VWF: variants seen among roughly 807,000 people sequenced by gnomAD.
VWF encodes Factor VIII related antigen.
VWF carries 176 observed loss-of-function variants against 308.6 expected under a neutral mutation model. The ratio of observed to expected loss-of-function variants is 0.57; its 90% CI spans 0.50 to 0.65. The LOEUF is 0.65. Among genes scored for constraint, VWF ranks in the 30% least tolerant of loss-of-function variants. VWF has a pLI of 0.00. For missense variants in VWF, 3,146 were observed against 3,648.2 expected (o/e 0.86, Z 3.55); for synonymous variants, 1,385 against 1,443.4 (o/e 0.96, Z 0.92).
At chr12:6,047,417 C>T (rs1440400630) in intron 16 of VWF, among the ~76,000 whole-genome samples, 6 of 152,218 alleles carry the variant, frequency 3.9e-5, no homozygotes, top group African/African-American at 1.4e-4. Context: ...TCCTCCAGGG[C>T]TGATTCACTG....
chr12:5,990,984 A>G (rs546768847), intron 38 of VWF, among the ~76,000 whole-genome samples: 1 of 151,842 alleles, frequency 6.6e-6, no homozygotes, highest in Non-Finnish European at 1.5e-5. Context: ...TATAGTGGAA[A>G]GAGCCAGATC....
At chr12:6,091,277 C>T (rs2239140) in intron 6 of VWF, among the ~76,000 whole-genome samples, 51,721 of 125,068 alleles carry the variant, frequency 0.41, 11,101 homozygotes, top group Middle Eastern at 0.53. Context: ...CTCGTGTTAC[C>T]GTGATGGGGG....
intron 6 of VWF, among the ~76,000 whole-genome samples, chr12:6,087,459 C>T (rs1243981551): frequency 3.4e-5 from 5 of 146,560 alleles, no homozygotes; most frequent in Admixed American, 6.8e-5. Context: ...CCCGGGTTCA[C>T]GCCATTCTCC....
In VWF at chr12:5,971,697, C is replaced by T. The variant is rs139864572; in HGVS notation, c.7450G>A (p.Val2484Ile). Residue 2484 changes from valine (V) to isoleucine (I), a missense_variant, in exon 44 of 52, where the codon GTT becomes ATT. This residue lies in a region of VWF where 989 missense variants were observed against 1,117.4 expected (regional missense o/e 0.89). Coordinates refer to ENST00000261405, the MANE Select transcript of VWF (RefSeq NM_000552.5). The part of the protein sequence containing the change: ...EDSCRSGFTY[V>I]LHEGECCGRC... ...CCACAGCACTCGCCTTCATGCAGAA[C>T]GTAAGTGAAGCCCTGGAAAAGCAGA... 144 of 1,614,060 alleles carry T rather than the reference C, an allele frequency of 8.9e-5. No individual in the cohort carries two copies. Among genetic ancestry groups the T allele is most frequent in the Non-Finnish European group, 1.1e-4 (124 of 1,180,018 alleles).
At chr12:6,014,269 C>T (rs530342140) in intron 31 of VWF, among the ~76,000 whole-genome samples, 13 of 152,092 alleles carry the variant, frequency 8.5e-5, no homozygotes, top group Non-Finnish European at 1.9e-4. Context: ...AGTAAGGGCT[C>T]ACCATGTTCT....
intron 6 of VWF, among the ~76,000 whole-genome samples, chr12:6,088,357 T>C (rs1944995702): frequency 6.6e-6 from 1 of 151,948 alleles, no homozygotes; most frequent in African/African-American, 2.4e-5. Context: ...CAGGCGCATG[T>C]AGTCCCAGCT....
rs113651850 is a variant in VWF, at chr12:6,112,222, G to A, written c.221-1254C>T. On this transcript the variant is annotated intron_variant, in intron 3 of 51. Coordinates refer to ENST00000261405, the MANE Select transcript of VWF (RefSeq NM_000552.5). ...TAAAATAGGCTCTGAGAATGGTGTGGTTGTGAGGGCTGAACAGGGTGACAA... is the reference window on the plus strand; with the variant it reads ...TAAAATAGGCTCTGAGAATGGTGTGATTGTGAGGGCTGAACAGGGTGACAA... Among the ~76,000 whole-genome samples the A allele has an allele frequency of 6.2e-3, 938 of 152,278 alleles. 13 individuals carry two copies. The highest frequency in any genetic ancestry group is 0.022 in the African/African-American group (897 of 41,562).
intron 47 of VWF, among the ~76,000 whole-genome samples, chr12:5,966,062 G>A (rs574138798): frequency 3.9e-5 from 6 of 152,252 alleles, no homozygotes; most frequent in African/African-American, 1.2e-4. Flanking sequence ...AACACCAGAG[G>A]GCACTGCAGG....
At chr12:5,969,126 A>G in intron 45 of VWF, 85 bp downstream of exon 45, 3 of 1,498,680 alleles carry the variant, frequency 2.0e-6, no homozygotes, top group South Asian at 2.4e-5. Flanking sequence ...GTTGCTAAAA[A>G]GGCAAAGAAT....
intron 22 of VWF, 73 bp from the exon 23 acceptor site, chr12:6,026,119 C>T: frequency 6.2e-7 from 1 of 1,608,904 alleles, no homozygotes; most frequent in Non-Finnish European, 8.5e-7. Context: ...GAAAGGGGAA[C>T]ATTCCTGGCG....
intron 5 of VWF, among the ~76,000 whole-genome samples, chr12:6,108,334 T>TATATACACACACACACACAC (rs374693235): frequency 2.4e-5 from 3 of 124,158 alleles, no homozygotes; most frequent in Non-Finnish European, 3.4e-5. Flanking sequence ...AAGAAATATA[T>TATATACACACACACACACAC]ACACACACAC....
At chr12:5,976,777 G>A (rs564976268) in intron 42 of VWF, among the ~76,000 whole-genome samples, 7 of 152,338 alleles carry the variant, frequency 4.6e-5, no homozygotes, top group African/African-American at 1.4e-4. Context: ...ATGTTTGAGA[G>A]ACAAGGGATC....
chr12:6,103,868 C>G (rs1426239484), intron 5 of VWF, among the ~76,000 whole-genome samples: 2 of 152,074 alleles, frequency 1.3e-5, no homozygotes, highest in Admixed American at 6.6e-5. Flanking sequence ...CAAGGAATTT[C>G]TGACTAAGAC....
At chr12:6,057,790 A>G (rs1944604673) in intron 14 of VWF, 59 bp downstream of exon 14, 1 of 1,541,230 alleles carries the variant, frequency 6.5e-7, no homozygotes, top group African/African-American at 1.4e-5. Flanking sequence ...AACGCACTGC[A>G]CTAATGTGGA....
chr12:5,974,814 C>T (rs762232214), intron 43 of VWF, among the ~76,000 whole-genome samples: 1 of 152,174 alleles, frequency 6.6e-6, no homozygotes, highest in Non-Finnish European at 1.5e-5. Flanking sequence ...ACCACGGTGC[C>T]CACCTACAAA....
Position 6,109,289 on chromosome 12 carries a change from ATAAT to A in VWF, c.532+1081_532+1084del, listed in dbSNP as rs563756770. On this transcript the variant is annotated intron_variant, in intron 5 of 51. Transcript: ENST00000261405. ...TATACATATATATACACACACATAT[ATAAT>A]TACATATATACACACATATACAGTA... is the stretch of plus-strand genomic sequence containing the variant. 5.5e-4 allele frequency among the ~76,000 whole-genome samples: 82 copies of A among 150,396 alleles called. 1 individual carries two copies. Among genetic ancestry groups the A allele is most frequent in the Non-Finnish European group, 3.2e-4 (22 of 67,974 alleles).
intron 16 of VWF, among the ~76,000 whole-genome samples, chr12:6,051,128 C>T (rs1944504706): frequency 6.6e-6 from 1 of 152,006 alleles, no homozygotes; most frequent in Admixed American, 6.6e-5. Flanking sequence ...TTTTAAAAAA[C>T]TATTCCAGCC....
Position 5,953,577 on chromosome 12 carries a change from A to G in VWF, c.7905T>C (p.Asn2635=), listed in dbSNP as rs201953086. The G allele has an allele frequency of 3.8e-5, 62 of 1,613,962 alleles. No individual in the cohort carries two copies. The highest frequency in any genetic ancestry group is 4.6e-5 in the Non-Finnish European group (54 of 1,180,020). ...ATCTCCCACAACATTCACCTGTGTT[A>G]TTTTCTTCCTTGTAACCCTGCATCC... ...NPCPLGYKEE[N]NTGECCGRCL... is the part of the protein sequence containing the mutation. Residue 2635 remains asparagine, a synonymous_variant, in exon 48 of 52, where the codon AAT becomes AAC. Coordinates refer to ENST00000261405, the MANE Select transcript of VWF (RefSeq NM_000552.5).
chr12:5,961,989 C>A (rs1285345839), intron 47 of VWF, among the ~76,000 whole-genome samples: 1 of 152,030 alleles, frequency 6.6e-6, no homozygotes, highest in Non-Finnish European at 1.5e-5. Context: ...AAAGGGAATG[C>A]CCTAGTGCCT....
Sources: gnomAD v4.1 joint callset for allele counts (sites outside exome capture counted in the v4.1 genomes callset) on GRCh38, gnomAD v4.1.1 for gene constraint, gnomAD v4.1.1 regional missense constraint, MANE v1.5 for transcripts, NCBI Gene and HGNC (gene_info 2026-07-23, HGNC 2026-07-21) for gene names.